The following CADM2 variants were observed in gnomAD, a reference collection of about 807,000 sequenced individuals.
The protein encoded by CADM2 is immunoglobulin superfamily member 4D.
Under a neutral mutation model 49.8 loss-of-function variants are expected in CADM2, and 12 were observed. The ratio of observed to expected loss-of-function variants is 0.24; its 90% CI spans 0.15 to 0.39. The LOEUF is 0.39. CADM2 is among the 10% of genes least tolerant of loss of function. The pLI, the probability that CADM2 is intolerant of heterozygous loss-of-function variation, is 1.00. For synonymous variants in CADM2, 214 were observed against 175.4 expected (o/e 1.22, Z -1.74); for missense variants, 378 against 492.3 (o/e 0.77, Z 2.20).
At chr3:85,917,145 T>G (rs1290360013) in intron 6 of CADM2, among the ~76,000 whole-genome samples, 1 of 152,188 alleles carries the variant, frequency 6.6e-6, no homozygotes, top group African/African-American at 2.4e-5. Context: ...GTAGTTTCTT[T>G]TGCTGTGCAG....
intron 1 of CADM2, among the ~76,000 whole-genome samples, chr3:85,583,914 A>G (rs2062864038): frequency 6.6e-6 from 1 of 152,050 alleles, no homozygotes; most frequent in Admixed American, 6.6e-5. Context: ...CCAACTATAG[A>G]AAATTTCCCA....
chr3:85,145,214 AT>A (rs1341816004), intron 1 of CADM2, among the ~76,000 whole-genome samples: 2 of 152,194 alleles, frequency 1.3e-5, no homozygotes, highest in African/African-American at 4.8e-5. Flanking sequence ...GGGGAAGAAA[AT>A]CACACTAAAA....
At chr3:85,455,314 AATT>A (rs2037941071) in intron 1 of CADM2, among the ~76,000 whole-genome samples, 1 of 152,216 alleles carries the variant, frequency 6.6e-6, no homozygotes, top group Non-Finnish European at 1.5e-5. Flanking sequence ...TAATTGCACT[AATT>A]ATTATTTTGT....
At chr3:84,976,756 A>G (rs1052101726) in intron 1 of CADM2, among the ~76,000 whole-genome samples, 1 of 151,994 alleles carries the variant, frequency 6.6e-6, no homozygotes, top group Admixed American at 6.6e-5. Context: ...TTTGATGAAA[A>G]TTAATCCTAG....
At chr3:85,327,231 C>A (rs1364383316) in intron 1 of CADM2, among the ~76,000 whole-genome samples, 1 of 151,748 alleles carries the variant, frequency 6.6e-6, no homozygotes, top group Non-Finnish European at 1.5e-5. Flanking sequence ...ATATGTTAAA[C>A]ACACACATTT....
intron 2 of CADM2, among the ~76,000 whole-genome samples, chr3:85,790,682 G>A (rs753665728): frequency 2.4e-4 from 36 of 152,148 alleles, no homozygotes; most frequent in Non-Finnish European, 4.9e-4. Flanking sequence ...TTCGGTCTAC[G>A]GGATTGTAAG....
At chr3:85,263,533 G>A (rs1214293603) in intron 1 of CADM2, among the ~76,000 whole-genome samples, 2 of 152,000 alleles carry the variant, frequency 1.3e-5, no homozygotes, top group Non-Finnish European at 2.9e-5. Context: ...ATTTAAAGAG[G>A]TAATTGTATT....
intron 1 of CADM2, among the ~76,000 whole-genome samples, chr3:85,102,082 A>T (rs557824022): frequency 6.6e-6 from 1 of 152,144 alleles, no homozygotes; most frequent in African/African-American, 2.4e-5. Context: ...AAATAAATAA[A>T]TAAAAAAAGT....
intron 1 of CADM2, among the ~76,000 whole-genome samples, chr3:85,581,111 T>C (rs1330076470): frequency 6.6e-6 from 1 of 152,164 alleles, no homozygotes; most frequent in Non-Finnish European, 1.5e-5. Flanking sequence ...CTGCACACTA[T>C]GTTTAGAAAC....
intron 1 of CADM2, among the ~76,000 whole-genome samples, chr3:85,555,017 A>C (rs1254589085): frequency 6.6e-6 from 1 of 151,894 alleles, no homozygotes; most frequent in Non-Finnish European, 1.5e-5. Flanking sequence ...CACTAGGCCC[A>C]AAAACATCAT....
intron 1 of CADM2, among the ~76,000 whole-genome samples, chr3:85,404,374 C>T (rs550918006): frequency 9.9e-5 from 15 of 151,566 alleles, no homozygotes; most frequent in South Asian, 6.3e-4. Context: ...ATTGATTTTC[C>T]GCATAAAAAA....
intron 1 of CADM2, among the ~76,000 whole-genome samples, chr3:85,392,718 T>G (rs923677819): frequency 1.6e-4 from 24 of 152,078 alleles, no homozygotes. Context: ...TATAAACTCT[T>G]TATGGACAGC....
chr3:85,721,322 G>A (rs1367823190), intron 1 of CADM2, among the ~76,000 whole-genome samples: 1 of 152,162 alleles, frequency 6.6e-6, no homozygotes, highest in African/African-American at 2.4e-5. Context: ...TGAATATGAA[G>A]TTGTTATGGG....
At chr3:85,387,387 T>C (rs536630078) in intron 1 of CADM2, among the ~76,000 whole-genome samples, 12 of 152,334 alleles carry the variant, frequency 7.9e-5, no homozygotes, top group Admixed American at 4.6e-4. Flanking sequence ...CTTTCCTTCT[T>C]TTTGCTACCT....
intron 1 of CADM2, among the ~76,000 whole-genome samples, chr3:85,375,020 A>T (rs933881899): frequency 1.3e-5 from 2 of 152,116 alleles, no homozygotes; most frequent in African/African-American, 4.8e-5. Context: ...ACACACACAC[A>T]CTTCAATCAT....
chr3:85,636,722 T>C (rs773156025), intron 1 of CADM2, among the ~76,000 whole-genome samples: 1 of 152,196 alleles, frequency 6.6e-6, no homozygotes, highest in Non-Finnish European at 1.5e-5. Flanking sequence ...TATACCACAT[T>C]TTGTACTGTA....
In CADM2 at chr3:85,617,045, C is replaced by T. The variant is rs2063819706; in HGVS notation, c.62-109477C>T. 1.3e-5 allele frequency among the ~76,000 whole-genome samples: 2 copies of T among 152,042 alleles called. 1 individual carries two copies. Among genetic ancestry groups the T allele is most frequent in the Admixed American group, 1.3e-4 (2 of 15,256 alleles). ...CAACACAGAAGATTTCTGTGAAAAC[C>T]ACAGGGAATTTCTCCCCACCAACAA... is the stretch of plus-strand genomic sequence containing the variant. On this transcript the variant is annotated intron_variant, in intron 1 of 9. Transcript: ENST00000383699.
At chr3:85,036,669 T>G (rs1481731973) in intron 1 of CADM2, among the ~76,000 whole-genome samples, 1 of 152,140 alleles carries the variant, frequency 6.6e-6, no homozygotes, top group African/African-American at 2.4e-5. Context: ...CCCGTTTTCT[T>G]TATAATTGCT....
chr3:85,074,430 A>G (rs1264848683), intron 1 of CADM2, among the ~76,000 whole-genome samples: 1 of 152,092 alleles, frequency 6.6e-6, no homozygotes, highest in Non-Finnish European at 1.5e-5. Context: ...TCTTGCCAAT[A>G]TAATAAATGA....
Sources: gnomAD v4.1 joint callset for allele counts (sites outside exome capture counted in the v4.1 genomes callset) on GRCh38, gnomAD v4.1.1 for gene constraint, MANE v1.5 for transcripts, NCBI Gene and HGNC (gene_info 2026-07-23, HGNC 2026-07-21) for gene names.